SLC39A11: variants seen among roughly 807,000 people sequenced by gnomAD.
SLC39A11 encodes the protein zinc transporter ZIP11.
SLC39A11 carries 33 observed loss-of-function variants against 36.1 expected under a neutral mutation model. The ratio of observed to expected loss-of-function variants is 0.91; its 90% CI spans 0.69 to 1.22. The LOEUF (loss-of-function observed/expected upper bound fraction) is 1.22. Ranked by LOEUF, SLC39A11 falls within the 50% of genes most tolerant of loss-of-function variation. The pLI, the probability that SLC39A11 is intolerant of heterozygous loss-of-function variation, is 0.00. For missense variants in SLC39A11, 432 were observed against 430.3 expected, an observed-to-expected ratio of 1.00 and a Z score of -0.03; for synonymous variants, 166 against 170.3, an observed-to-expected ratio of 0.97 and a Z score of 0.20.
chr17:72,916,925 A>C (rs1009630785), intron 5 of SLC39A11, among the ~76,000 whole-genome samples: 5 of 152,226 alleles, frequency 3.3e-5, no homozygotes, highest in Admixed American at 2.0e-4. Flanking sequence ...GACTTTAATT[A>C]AGACTGTGAT....
At chr17:73,087,892 C>T (rs2060787387) in intron 2 of SLC39A11, among the ~76,000 whole-genome samples, 1 of 152,206 alleles carries the variant, frequency 6.6e-6, no homozygotes, top group African/African-American at 2.4e-5. Context: ...GATGCCCCTT[C>T]TTCTCCCAAG....
chr17:72,656,278 G>A (rs1489806627), intron 7 of SLC39A11, among the ~76,000 whole-genome samples: 1 of 152,148 alleles, frequency 6.6e-6, no homozygotes, highest in Non-Finnish European at 1.5e-5. Context: ...TACTAGTCTG[G>A]ACCACGACAC....
chr17:72,672,372 C>G (rs925709571), intron 7 of SLC39A11, among the ~76,000 whole-genome samples: 1 of 152,146 alleles, frequency 6.6e-6, no homozygotes, highest in East Asian at 1.9e-4. Context: ...TAGCTTGAAC[C>G]CAGGAGGTGG....
chr17:72,704,736 C>A (rs2072816569), intron 7 of SLC39A11, among the ~76,000 whole-genome samples: 1 of 152,118 alleles, frequency 6.6e-6, no homozygotes, highest in African/African-American at 2.4e-5. Context: ...CTTCCCCTCT[C>A]AGTCCATGTG....
intron 5 of SLC39A11, among the ~76,000 whole-genome samples, chr17:72,867,995 C>G (rs1367189232): frequency 6.6e-6 from 1 of 152,218 alleles, no homozygotes; most frequent in African/African-American, 2.4e-5. Flanking sequence ...TAGGGATTTT[C>G]CACTTTAACC....
intron 6 of SLC39A11, among the ~76,000 whole-genome samples, chr17:72,738,738 C>A (rs931404760): frequency 6.6e-6 from 1 of 152,172 alleles, no homozygotes; most frequent in Non-Finnish European, 1.5e-5. Flanking sequence ...GGGTCAAATT[C>A]GAACTTTCTT....
At chr17:73,061,083 C>G (rs1317680016) in intron 3 of SLC39A11, among the ~76,000 whole-genome samples, 1 of 152,110 alleles carries the variant, frequency 6.6e-6, no homozygotes, top group Non-Finnish European at 1.5e-5. Flanking sequence ...CAGAACTCAC[C>G]GAGCGTGGTG....
In SLC39A11 at chr17:72,649,230, T is replaced by A. The variant is rs1228454931; in HGVS notation, c.710A>T (p.Glu237Val). The change falls in exon 8 of 10, where the codon GAG becomes GTG. Residue 237 changes from glutamate to valine, a missense_variant. Coordinates refer to ENST00000255559, the MANE Select transcript of SLC39A11 (RefSeq NM_139177.4). ...CAAGGGAAGGCTGACAGCCAGGCCC[T>A]CGGGGAAATTCTGGATCCCGATTCC... is the stretch of plus-strand genomic sequence containing the variant. ...AIGIGIQNFP[E>V]GLAVSLPLRG... The A allele has an allele frequency of 6.2e-7, 1 of 1,614,200 alleles. No individual in the cohort carries two copies. Among genetic ancestry groups the A allele is most frequent in the South Asian group, 1.1e-5 (1 of 91,080 alleles).
chr17:72,671,448 C>T lies in SLC39A11; in HGVS notation c.672-22180G>A, dbSNP rs145549305. 1.4e-3 allele frequency among the ~76,000 whole-genome samples: 210 copies of T among 152,294 alleles called. 1 individual carries two copies. The highest frequency in any genetic ancestry group is 4.9e-3 in the African/African-American group (202 of 41,560). On this transcript the variant is annotated intron_variant, in intron 7 of 9. Transcript: ENST00000255559. The stretch of plus-strand genomic sequence containing the variant: ...AAAATAGCTATATTTAGGCTGGCTG[C>T]GGCAGCTCACGCTTGTAATCCCAGC...
At chr17:72,850,995 C>A (rs914241921) in intron 5 of SLC39A11, among the ~76,000 whole-genome samples, 1 of 151,968 alleles carries the variant, frequency 6.6e-6, no homozygotes, top group Non-Finnish European at 1.5e-5. Context: ...TCACGTGATG[C>A]GCGAGCAGCT....
intron 5 of SLC39A11, among the ~76,000 whole-genome samples, chr17:72,880,365 C>T (rs2081130467): frequency 6.6e-6 from 1 of 152,074 alleles, no homozygotes; most frequent in Non-Finnish European, 1.5e-5. Context: ...GCCTAGGAGT[C>T]TGAGACCAGC....
chr17:72,957,720 G>C lies in SLC39A11; in HGVS notation c.307-9845C>G, dbSNP rs112361821. Among the ~76,000 whole-genome samples, 651 of 152,190 alleles carry C rather than the reference G, an allele frequency of 4.3e-3. 10 individuals are homozygous for C. Among genetic ancestry groups the C allele is most frequent in the African/African-American group, 0.014 (600 of 41,518 alleles). On this transcript the variant is annotated intron_variant, in intron 4 of 9. Transcript: ENST00000255559. Reference sequence around the variant, plus strand: ...TGTAGTCCCAGCTACTGGGGAGGCTGAGGCAGGAGAATCTCTTGAACCCAG... The same window carrying C: ...TGTAGTCCCAGCTACTGGGGAGGCTCAGGCAGGAGAATCTCTTGAACCCAG...
chr17:72,837,117 T>A (rs1197410314), intron 6 of SLC39A11, among the ~76,000 whole-genome samples: 1 of 152,126 alleles, frequency 6.6e-6, no homozygotes, highest in African/African-American at 2.4e-5. Context: ...AAGGGCAAGC[T>A]GAAGGTCCAG....
At chr17:72,842,075 A>T (rs914627726) in intron 6 of SLC39A11, among the ~76,000 whole-genome samples, 1 of 44,174 alleles carries the variant, frequency 2.3e-5, no homozygotes, top group African/African-American at 6.6e-5. Context: ...GTCTCAAAAA[A>T]CTATGTGTGT....
At chr17:72,973,734 A>C (rs1237673820) in intron 4 of SLC39A11, among the ~76,000 whole-genome samples, 1 of 151,980 alleles carries the variant, frequency 6.6e-6, no homozygotes, top group African/African-American at 2.4e-5. Flanking sequence ...AATTTTTTAA[A>C]ATTTTTTGTA....
intron 5 of SLC39A11, among the ~76,000 whole-genome samples, chr17:72,895,172 G>A (rs531515818): frequency 7.2e-5 from 11 of 152,302 alleles, no homozygotes; most frequent in African/African-American, 2.6e-4. Flanking sequence ...CAGGCAGCGG[G>A]CAGGGAAGGC....
intron 5 of SLC39A11, among the ~76,000 whole-genome samples, chr17:72,914,979 G>A (rs1598400799): frequency 1.3e-5 from 2 of 152,304 alleles, no homozygotes; most frequent in South Asian, 4.1e-4. Flanking sequence ...TGCTTTAGTG[G>A]CACAGGCTGG....
chr17:72,738,014 G>A (rs766711688), intron 6 of SLC39A11, among the ~76,000 whole-genome samples: 5 of 152,086 alleles, frequency 3.3e-5, no homozygotes, highest in Non-Finnish European at 7.4e-5. Flanking sequence ...ATATTTTTAT[G>A]TTTTATTGAG....
chr17:72,865,408 C>A (rs2080251274), intron 5 of SLC39A11, among the ~76,000 whole-genome samples: 2 of 129,626 alleles, frequency 1.5e-5, no homozygotes, highest in South Asian at 2.8e-4. Flanking sequence ...AAAAAAACTG[C>A]TCGAAAAAAA....
Sources: allele counts gnomAD v4.1 joint callset (sites outside exome capture counted in the v4.1 genomes callset), GRCh38; gene constraint gnomAD v4.1.1; transcripts MANE v1.5; gene names NCBI Gene and HGNC (gene_info 2026-07-23, HGNC 2026-07-21).